The following CTC1 variants were observed in gnomAD, a reference collection of about 807,000 sequenced individuals.
CTC1 encodes the protein CST complex subunit CTC1.
Under a neutral mutation model 136.3 loss-of-function variants are expected in CTC1, and 91 were observed. That is an observed-to-expected ratio of 0.67 (90% CI 0.56 to 0.79). CTC1 has a LOEUF of 0.79. Ranked by LOEUF, CTC1 falls within the 30% of genes least tolerant of loss-of-function variation. CTC1 has a pLI of 0.00. For synonymous variants in CTC1, 606 were observed against 613.8 expected, an observed-to-expected ratio of 0.99 and a Z score of 0.19; for missense variants, 1,432 against 1,498.1, an observed-to-expected ratio of 0.96 and a Z score of 0.73.
Position 8,230,401 on chromosome 17 carries a change from G to T in CTC1, c.2826C>A (p.Phe942Leu). 6.2e-7 allele frequency: 1 copy of T among 1,614,112 alleles called. No individual in the cohort carries two copies. Among genetic ancestry groups the T allele is most frequent in the Non-Finnish European group, 8.5e-7 (1 of 1,179,996 alleles). ...TVALETAECE[F>L]PPHLDVYIED... is the part of the protein sequence containing the mutation. ...CTATATATACATCCAGGTGAGGGGG[G>T]AATTCACATTCAGCAGTCTCAAGAG... Residue 942 changes from phenylalanine to leucine, a missense_variant, in exon 17 of 23, where the codon TTC becomes TTA. Phe to Leu is a conservative substitution (Grantham distance 22, BLOSUM62 0). Coordinates refer to ENST00000651323, the MANE Select transcript of CTC1 (RefSeq NM_025099.6).
intron 2 of CTC1, among the ~76,000 whole-genome samples, chr17:8,239,303 C>G: frequency 6.6e-6 from 1 of 152,002 alleles, no homozygotes; most frequent in African/African-American, 2.4e-5. Flanking sequence ...CTCTTAACTC[C>G]AGAGAGAACT....
intron 5 of CTC1, 35 bp downstream of exon 5, chr17:8,237,340 C>T (rs1311200579): frequency 6.2e-7 from 1 of 1,613,066 alleles, no homozygotes; most frequent in South Asian, 1.1e-5. Context: ...ACCACCCTCC[C>T]CCACTTCCAT....
chr17:8,247,778 GAGTGAACGGAGACC>G, intron 1 of CTC1: 1 of 580,878 alleles, frequency 1.7e-6, no homozygotes, highest in East Asian at 3.0e-5. Flanking sequence ...AAACCCTAGA[GAGTGAACGGAGACC>G]AGTTTAAGGC....
At position 8,229,124 on chromosome 17, in the gene CTC1, C is replaced by T. The variant is rs1986985505; in HGVS notation, c.3221+18G>A. The T allele has an allele frequency of 6.2e-7, 1 of 1,612,564 alleles. No individual in the cohort carries two copies. The highest frequency in any genetic ancestry group is 8.5e-7 in the Non-Finnish European group (1 of 1,179,644). On this transcript the variant is annotated intron_variant, in intron 20 of 22. Coordinates refer to ENST00000651323, the MANE Select transcript of CTC1 (RefSeq NM_025099.6). ...TCATAAGTAAATGGCACAATGGGTG[C>T]ACGCCTTGTGCTCTCACCTGATGAT...
chr17:8,228,967 C>T (rs1986970785), intron 20 of CTC1, 75 bp from the exon 21 acceptor site: 1 of 1,523,936 alleles, frequency 6.6e-7, no homozygotes, highest in African/African-American at 1.4e-5. Context: ...ACATGCCTCC[C>T]TCCCCGCTGT....
Position 8,229,156 on chromosome 17 carries a change from G to A in CTC1, c.3207C>T (p.Ser1069=). The change falls in exon 20 of 23, where the codon AGC becomes AGT. Residue 1069 remains serine, a synonymous_variant. Coordinates refer to ENST00000651323, the MANE Select transcript of CTC1 (RefSeq NM_025099.6). ...GSTCPTQTAI[S]QAIIRLLVED... is the part of the protein sequence containing the mutation. Reference sequence around the variant, plus strand: ...TGTGCTCTCACCTGATGATGGCCTGGCTTATAGCTGTCTGCGTAGGGCAAG... The same window carrying A: ...TGTGCTCTCACCTGATGATGGCCTGACTTATAGCTGTCTGCGTAGGGCAAG... 6.2e-7 allele frequency: 1 copy of A among 1,613,954 alleles called. No homozygotes were observed.
At chr17:8,229,236 C>T (rs1986999954) in intron 19 of CTC1, 30 bp from the exon 20 acceptor site, 1 of 1,614,144 alleles carries the variant, frequency 6.2e-7, no homozygotes, top group Non-Finnish European at 8.5e-7. Context: ...TGGAAAAGTC[C>T]TCTTGGTCCC....
rs1365339106 is a variant in CTC1 at position 8,226,670 on chromosome 17, T to TA, written c.*1509_*1510insT. 1.3e-5 allele frequency: 2 copies of TA among 152,222 alleles called. No homozygotes were observed. The highest frequency in any genetic ancestry group is 2.4e-5 in the African/African-American group (1 of 41,450). 9.4% of individuals were successfully genotyped at this position (152,222 alleles called of 1,614,324 possible). Reference sequence around the variant, plus strand: ...CCCAATGGATTTCTAGTCCATCGCCTTAACCACTCGGCCACGACTACGAGG... The same window carrying TA: ...CCCAATGGATTTCTAGTCCATCGCCTATAACCACTCGGCCACGACTACGAGG... On this transcript the variant is annotated 3_prime_UTR_variant, in exon 23 of 23. Coordinates refer to ENST00000651323, the MANE Select transcript of CTC1 (RefSeq NM_025099.6).
intron 1 of CTC1, among the ~76,000 whole-genome samples, chr17:8,244,770 G>A (rs760266536): frequency 4.0e-4 from 60 of 151,852 alleles, no homozygotes; most frequent in Non-Finnish European, 6.8e-4. Flanking sequence ...CAAGTGATCC[G>A]CCCGCCTCAG....
chr17:8,241,376 T>C (rs1266474706), intron 2 of CTC1, among the ~76,000 whole-genome samples: 4 of 151,564 alleles, frequency 2.6e-5, no homozygotes, highest in Non-Finnish European at 5.9e-5. Flanking sequence ...ATCCCAGCAC[T>C]CTGGAAGACC....
chr17:8,234,367 C>T (rs999376310), intron 10 of CTC1, 88 bp downstream of exon 10: 180 of 1,300,754 alleles, frequency 1.4e-4, no homozygotes, highest in Non-Finnish European at 1.8e-4. Flanking sequence ...GTCAAAATGA[C>T]GAAGAAAGAT....
chr17:8,240,108 T>C (rs1988083225), intron 2 of CTC1, among the ~76,000 whole-genome samples: 1 of 151,676 alleles, frequency 6.6e-6, no homozygotes, highest in South Asian at 2.1e-4. Flanking sequence ...CTCTGTGTTT[T>C]CCTACTTATC....
chr17:8,235,251 C>A lies in CTC1; in HGVS notation c.1241G>T (p.Gly414Val), dbSNP rs62624978. 2 of 1,613,924 alleles carry A rather than the reference C, an allele frequency of 1.2e-6. No homozygotes were observed. The highest frequency in any genetic ancestry group is 1.7e-6 in the Non-Finnish European group (2 of 1,179,982). Residue 414 changes from glycine to valine, a missense_variant, in exon 8 of 23, where the codon GGG (glycine) becomes GTG (valine). Gly to Val is a moderately radical substitution (Grantham distance 109, BLOSUM62 -3). Transcript: ENST00000651323. ...QDVHLLQSVG[G>V]GTRRPVLAPC... Reference sequence around the variant, plus strand: ...GGCGAGCACTGGCCTTCTTGTCCCCCCTCCCACTGACTGGAGCAGGTGAAC... The same window carrying A: ...GGCGAGCACTGGCCTTCTTGTCCCCACTCCCACTGACTGGAGCAGGTGAAC...
At chr17:8,243,272 C>G (rs1476869626) in intron 1 of CTC1, 124 bp from the exon 2 acceptor site, 1 of 840,386 alleles carries the variant, frequency 1.2e-6, no homozygotes, top group Non-Finnish European at 1.8e-6. Context: ...GTAATCCCAA[C>G]ACTTTGGGAG....
chr17:8,234,653 G>A lies in CTC1; in HGVS notation c.1620C>T (p.Tyr540=), dbSNP rs765073204. 47 of 1,609,932 alleles carry A rather than the reference G, an allele frequency of 2.9e-5. No individual in the cohort carries two copies. In the South Asian group the frequency reaches 4.7e-4, roughly 16 times the overall value. Residue 540 remains tyrosine (Y), a splice_region_variant and synonymous_variant, in exon 10 of 23, where the codon TAC becomes TAT. Coordinates refer to ENST00000651323, the MANE Select transcript of CTC1 (RefSeq NM_025099.6). ...EEPHHCPLQK[Y]TRLQTPSSFP... The stretch of plus-strand genomic sequence containing the variant: ...AGGAGGAGGGAGTCTGCAGCCGAGT[G>A]TACTGTCAAGGAGGGAAGAGAAATC...
chr17:8,233,358 C>T, intron 10 of CTC1: 1 of 247,742 alleles, frequency 4.0e-6, no homozygotes, highest in South Asian at 4.3e-5. Flanking sequence ...GGCGCAGTGG[C>T]TCACGCCTGT....
chr17:8,236,858 T>C (rs1222859567), intron 5 of CTC1, among the ~76,000 whole-genome samples: 1 of 152,176 alleles, frequency 6.6e-6, no homozygotes, highest in Non-Finnish European at 1.5e-5. Flanking sequence ...TGATTTACAA[T>C]TTCTACCTTG....
intron 1 of CTC1, among the ~76,000 whole-genome samples, chr17:8,246,786 AT>A (rs1334809011): frequency 6.6e-6 from 1 of 151,682 alleles, no homozygotes; most frequent in Non-Finnish European, 1.5e-5. Flanking sequence ...TATGCCTGTA[AT>A]TCCAGCTACT....
chr17:8,237,038 G>GTT (rs59734806), intron 5 of CTC1, among the ~76,000 whole-genome samples: 3,859 of 142,886 alleles, frequency 0.027, 161 homozygotes, highest in African/African-American at 0.085. Flanking sequence ...TAAGTACCAA[G>GTT]TTTTTTTTTT....
Sources: allele counts gnomAD v4.1 joint callset (sites outside exome capture counted in the v4.1 genomes callset), GRCh38; gene constraint gnomAD v4.1.1; transcripts MANE v1.5; gene names NCBI Gene and HGNC (gene_info 2026-07-23, HGNC 2026-07-21).